Variants in ZDHHC20 observed in about 807,000 individuals in gnomAD.
The protein encoded by ZDHHC20 is zDHHC palmitoyltransferase 20.
A neutral mutation model predicts 57.8 loss-of-function variants in ZDHHC20; 43 were observed. The observed-to-expected ratio is 0.74, with a 90% CI of 0.58 to 0.96. ZDHHC20 has a LOEUF of 0.96. Ranked by LOEUF, ZDHHC20 falls within the 40% of genes least tolerant of loss-of-function variation. The pLI, the probability that ZDHHC20 is intolerant of heterozygous loss-of-function variation, is 0.00. For synonymous variants in ZDHHC20, 157 were observed against 153.0 expected, an observed-to-expected ratio of 1.03 and a Z score of -0.19; for missense variants, 391 against 441.1, an observed-to-expected ratio of 0.89 and a Z score of 1.02.
At chr13:21,406,157 A>G (rs1029612783) in intron 4 of ZDHHC20, among the ~76,000 whole-genome samples, 1 of 152,138 alleles carries the variant, frequency 6.6e-6, no homozygotes, top group Non-Finnish European at 1.5e-5. Context: ...CCATATATCA[A>G]ATACTCCTGG....
chr13:21,374,009 G>A lies in ZDHHC20; in HGVS notation c.*2687C>T, dbSNP rs1871607637. 1 of 152,276 alleles carries A rather than the reference G, an allele frequency of 6.6e-6. No homozygotes were observed. Among genetic ancestry groups the A allele is most frequent in the South Asian group, 2.1e-4 (1 of 4,836 alleles). 9.4% of individuals were successfully genotyped at this position (152,276 alleles called of 1,614,324 possible). A position where few individuals can be genotyped will look rare whatever the true frequency, so the allele number is the denominator to read the frequency against. ...AGATGTTAAATAACAAAAATTAAAA[G>A]AACTGAGAAAGACTATACCATGAAA... On this transcript the variant is annotated 3_prime_UTR_variant, in exon 13 of 13. Coordinates refer to ENST00000400590, the MANE Select transcript of ZDHHC20 (RefSeq NM_001330059.2).
chr13:21,425,224 T>C (rs1204374916), intron 2 of ZDHHC20, among the ~76,000 whole-genome samples: 2 of 152,168 alleles, frequency 1.3e-5, no homozygotes, highest in African/African-American at 4.8e-5. Context: ...TTCTTAAATA[T>C]CTGTGCATTG....
intron 9 of ZDHHC20, among the ~76,000 whole-genome samples, chr13:21,384,842 T>C (rs1466154419): frequency 6.6e-6 from 1 of 152,150 alleles, no homozygotes; most frequent in East Asian, 1.9e-4. Flanking sequence ...TAGTAATGCC[T>C]GTAATCCTAG....
chr13:21,450,314 G>C (rs1193058545), intron 1 of ZDHHC20, among the ~76,000 whole-genome samples: 1 of 152,182 alleles, frequency 6.6e-6, no homozygotes, highest in Non-Finnish European at 1.5e-5. Context: ...TTACTTGCAT[G>C]ACTAGGGCAT....
At chr13:21,447,345 C>T (rs984910324) in intron 1 of ZDHHC20, among the ~76,000 whole-genome samples, 3 of 150,562 alleles carry the variant, frequency 2.0e-5, no homozygotes, top group Non-Finnish European at 4.4e-5. Flanking sequence ...CATGTGGAGC[C>T]GAAGCTGGAC....
chr13:21,391,290 G>A (rs574858288), intron 8 of ZDHHC20, among the ~76,000 whole-genome samples: 132 of 152,150 alleles, frequency 8.7e-4, no homozygotes, highest in African/African-American at 3.1e-3. Flanking sequence ...TTTTTGAAAC[G>A]ACACTGTATG....
At position 21,390,940 on chromosome 13, in the gene ZDHHC20, T is replaced by TTA. The variant is rs536152425; in HGVS notation, c.727+780_727+781dup. 3.2e-3 allele frequency among the ~76,000 whole-genome samples: 487 copies of TTA among 152,054 alleles called. 3 individuals are homozygous for TTA. The highest frequency in any genetic ancestry group is 4.2e-3 in the Non-Finnish European group (286 of 67,974). On this transcript the variant is annotated intron_variant, in intron 8 of 12. Coordinates refer to ENST00000400590, the MANE Select transcript of ZDHHC20 (RefSeq NM_001330059.2). Reference sequence around the variant, plus strand: ...AAAAGAATATACATGAAATACATTGTTATGTTTTAGCTAAAAGATAAGCTG... The same window carrying TTA: ...AAAAGAATATACATGAAATACATTGTTATATGTTTTAGCTAAAAGATAAGCTG...
intron 1 of ZDHHC20, among the ~76,000 whole-genome samples, chr13:21,448,052 C>G (rs1196319828): frequency 1.7e-4 from 22 of 129,086 alleles, no homozygotes; most frequent in African/African-American, 6.0e-4. Context: ...CTGGCAACCA[C>G]CCCGTCTGAA....
intron 7 of ZDHHC20, among the ~76,000 whole-genome samples, chr13:21,398,861 A>G (rs1180515656): frequency 6.6e-6 from 1 of 152,220 alleles, no homozygotes; most frequent in Admixed American, 6.5e-5. Flanking sequence ...CGCTAGGGCT[A>G]GGAACAGCAA....
chr13:21,411,913 A>G (rs1444590824), intron 4 of ZDHHC20, among the ~76,000 whole-genome samples: 1 of 152,248 alleles, frequency 6.6e-6, no homozygotes, highest in East Asian at 1.9e-4. Context: ...TGATGAATCC[A>G]GTATTGTAGG....
chr13:21,419,379 A>G (rs1258649334), intron 3 of ZDHHC20, among the ~76,000 whole-genome samples: 1 of 152,244 alleles, frequency 6.6e-6, no homozygotes, highest in Admixed American at 6.5e-5. Flanking sequence ...AAAGAACTAC[A>G]TATATATTAT....
chr13:21,397,540 T>C (rs9509680), intron 7 of ZDHHC20, among the ~76,000 whole-genome samples: 25,508 of 151,840 alleles, frequency 0.17, 2,740 homozygotes, highest in Non-Finnish European at 0.25. Context: ...TGCCTGCCCA[T>C]GGTCCCAGCT....
At chr13:21,381,038 G>C (rs144391615) in intron 11 of ZDHHC20, among the ~76,000 whole-genome samples, 2 of 150,696 alleles carry the variant, frequency 1.3e-5, no homozygotes, top group South Asian at 2.1e-4. Flanking sequence ...ATGGAGTCTC[G>C]CTCTGTCACC....
rs1871398529 is a variant in ZDHHC20, at chr13:21,372,709, G to C, written c.*3987C>G. The C allele has an allele frequency of 6.6e-6, 1 of 152,186 alleles. No individual in the cohort carries two copies. Among genetic ancestry groups the C allele is most frequent in the Non-Finnish European group, 1.5e-5 (1 of 68,024 alleles). The allele number at this position is 152,186 out of a possible 1,614,324, so 9.4% of individuals were successfully genotyped here. A position where few individuals can be genotyped will look rare whatever the true frequency, so the allele number is the denominator to read the frequency against. On this transcript the variant is annotated 3_prime_UTR_variant, in exon 13 of 13. Transcript: ENST00000400590. ...AGCAAAGCATCAACATTAAGTCACA[G>C]GCTAGGATTATACAAATAAGAACAA...
At chr13:21,436,619 C>T (rs984699635) in intron 1 of ZDHHC20, among the ~76,000 whole-genome samples, 1 of 152,146 alleles carries the variant, frequency 6.6e-6, no homozygotes, top group African/African-American at 2.4e-5. Flanking sequence ...GTGTTTCTAC[C>T]ACTCCACTGA....
intron 4 of ZDHHC20, 102 bp from the exon 5 acceptor site, chr13:21,402,968 T>C (rs1469569857): frequency 2.0e-5 from 16 of 818,844 alleles, no homozygotes; most frequent in Non-Finnish European, 3.2e-5. Context: ...GGGTAATTGA[T>C]AACTAATAAT....
chr13:21,437,634 T>C (rs1167568233), intron 1 of ZDHHC20, among the ~76,000 whole-genome samples: 2 of 152,084 alleles, frequency 1.3e-5, no homozygotes, highest in Non-Finnish European at 2.9e-5. Flanking sequence ...CTGCCTATGC[T>C]CTAGAAATGG....
chr13:21,450,516 C>A (rs1566118881), intron 1 of ZDHHC20, among the ~76,000 whole-genome samples: 1 of 152,002 alleles, frequency 6.6e-6, no homozygotes, highest in Non-Finnish European at 1.5e-5. Flanking sequence ...CTCTCTCAGA[C>A]CAGTATGCTA....
intron 1 of ZDHHC20, among the ~76,000 whole-genome samples, chr13:21,435,299 A>T (rs1882429081): frequency 6.6e-6 from 1 of 152,060 alleles, no homozygotes; most frequent in Non-Finnish European, 1.5e-5. Context: ...TTGCCTTAAG[A>T]TCATCCACCC....
Sources: gnomAD v4.1 joint callset for allele counts (sites outside exome capture counted in the v4.1 genomes callset) on GRCh38, gnomAD v4.1.1 for gene constraint, MANE v1.5 for transcripts, NCBI Gene and HGNC (gene_info 2026-07-23, HGNC 2026-07-21) for gene names.